Variants in GDAP2 observed in about 807,000 individuals in gnomAD.
GDAP2 encodes ganglioside induced differentiation associated protein 2.
GDAP2 carries 51 observed loss-of-function variants against 67.0 expected under a neutral mutation model. The observed-to-expected ratio is 0.76, with a 90% CI of 0.61 to 0.96. The LOEUF is 0.96. GDAP2 is among the 40% of genes least tolerant of loss of function. GDAP2 has a pLI of 0.00. For missense variants in GDAP2, 547 were observed against 588.3 expected (o/e 0.93, Z 0.73); for synonymous variants, 203 against 207.3 (o/e 0.98, Z 0.18).
chr1:117,920,275 T>C lies in GDAP2; in HGVS notation c.83A>G (p.Asn28Ser). 1 of 1,609,306 alleles carries C rather than the reference T, an allele frequency of 6.2e-7. No individual in the cohort carries two copies. Among genetic ancestry groups the C allele is most frequent in the African/African-American group, 1.3e-5 (1 of 74,946 alleles). Reference sequence around the variant, plus strand: ...TATTTCAGCTGTAGTATCAGAGGAATTTAATTCATCTTGGCATGAGTCACC... The same window carrying C: ...TATTTCAGCTGTAGTATCAGAGGAACTTAATTCATCTTGGCATGAGTCACC... ...SWGDSCQDEL[N>S]SSDTTAEIFQ... Residue 28 changes from asparagine to serine, a missense_variant, in exon 2 of 14, where the codon AAT becomes AGT. Physicochemically the swap from Asn to Ser is conservative, Grantham distance 46. Coordinates refer to ENST00000369443, the MANE Select transcript of GDAP2 (RefSeq NM_017686.4).
chr1:117,868,248 T>C lies in GDAP2; in HGVS notation c.*2321A>G, dbSNP rs769985069. On this transcript the variant is annotated 3_prime_UTR_variant, in exon 14 of 14. Coordinates refer to ENST00000369443, the MANE Select transcript of GDAP2 (RefSeq NM_017686.4). ...GAAGCAACTTCATTCTATAACACTT[T>C]AGACATCTATAAAAGCATGAACTTG... 1.3e-5 allele frequency: 2 copies of C among 152,224 alleles called. No individual in the cohort carries two copies. The highest frequency in any genetic ancestry group is 2.9e-5 in the Non-Finnish European group (2 of 68,044). 9.4% of individuals were successfully genotyped at this position (152,224 alleles called of 1,614,324 possible). A position where few individuals can be genotyped will look rare whatever the true frequency, so the allele number is the denominator to read the frequency against.
At position 117,865,470 on chromosome 1, in the gene GDAP2, C is replaced by T. The variant is rs930795756; in HGVS notation, c.*5099G>A. The T allele has an allele frequency of 2.6e-5, 4 of 152,116 alleles. No homozygotes were observed. The highest frequency in any genetic ancestry group is 9.7e-5 in the African/African-American group (4 of 41,440). 9.4% of individuals were successfully genotyped at this position (152,116 alleles called of 1,614,324 possible). On this transcript the variant is annotated 3_prime_UTR_variant, in exon 14 of 14. Transcript: ENST00000369443. Reference sequence around the variant, plus strand: ...AATTTAAGCATTTTTAGGTTTCCTTCGCCCAATACCAATTAAAATCATTTA... The same window carrying T: ...AATTTAAGCATTTTTAGGTTTCCTTTGCCCAATACCAATTAAAATCATTTA...
At position 117,912,610 on chromosome 1, in the gene GDAP2, T is replaced by A. The variant is rs1238041425; in HGVS notation, c.390A>T (p.Gly130=). 3 of 1,613,386 alleles carry A rather than the reference T, an allele frequency of 1.9e-6. No individual in the cohort carries two copies. The highest frequency in any genetic ancestry group is 2.5e-6 in the Non-Finnish European group (3 of 1,179,454). ...TGCGATAGCGGCTTTTATATTTAGG[T>A]CCCACTGTGTGAATGATGAACCGGG... The part of the protein sequence containing the change: ...LAARFIIHTV[G]PKYKSRYRTA... The change falls in exon 4 of 14, where the codon GGA becomes GGT. Residue 130 remains glycine, a synonymous_variant. Coordinates refer to ENST00000369443, the MANE Select transcript of GDAP2 (RefSeq NM_017686.4).
chr1:117,916,935 G>A (rs1650064979), intron 3 of GDAP2, among the ~76,000 whole-genome samples: 1 of 151,938 alleles, frequency 6.6e-6, no homozygotes, highest in Non-Finnish European at 1.5e-5. Context: ...TCGGGAAGCT[G>A]AGGCAGAAGA....
chr1:117,889,627 G>A (rs1648996723), intron 8 of GDAP2, among the ~76,000 whole-genome samples: 1 of 151,770 alleles, frequency 6.6e-6, no homozygotes, highest in Non-Finnish European at 1.5e-5. Context: ...TTAGTATGAA[G>A]GTTAAAAGAC....
In GDAP2 at chr1:117,883,591, C is replaced by A. The variant is rs1371336943; in HGVS notation, c.1144G>T (p.Ala382Ser). The A allele has an allele frequency of 6.3e-7, 1 of 1,595,098 alleles. No homozygotes were observed. Among genetic ancestry groups the A allele is most frequent in the Admixed American group, 1.7e-5 (1 of 59,850 alleles). Residue 382 changes from alanine (A) to serine (S), a missense_variant, in exon 11 of 14, where the codon GCT becomes TCT. Physicochemically the swap from Ala to Ser is moderately conservative, Grantham distance 99. Transcript: ENST00000369443. Reference sequence around the variant, plus strand: ...TACACTAATACATACTCCTTCACAGCAATGTGATCCATTACATGAATGAAA... The same window carrying A: ...TACACTAATACATACTCCTTCACAGAAATGTGATCCATTACATGAATGAAA... Reference protein sequence around the residue: ...LYFIHVMDHIAVKEYVLVYFH... With the variant: ...LYFIHVMDHISVKEYVLVYFH...
intron 1 of GDAP2, among the ~76,000 whole-genome samples, chr1:117,926,677 A>C (rs2101176620): frequency 6.6e-6 from 1 of 152,326 alleles, no homozygotes; most frequent in African/African-American, 2.4e-5. Flanking sequence ...CTGATCCCTG[A>C]GAGAACAGTG....
chr1:117,889,154 CAT>C (rs1648970683), intron 8 of GDAP2, among the ~76,000 whole-genome samples: 1 of 152,058 alleles, frequency 6.6e-6, no homozygotes, highest in Non-Finnish European at 1.5e-5. Context: ...TCCATATTTT[CAT>C]ACAGTCATTT....
intron 1 of GDAP2, among the ~76,000 whole-genome samples, chr1:117,926,185 C>A (rs1026710815): frequency 6.6e-6 from 1 of 152,210 alleles, no homozygotes; most frequent in Non-Finnish European, 1.5e-5. Flanking sequence ...CAACCTACTG[C>A]AGTTTTGCTT....
intron 3 of GDAP2, among the ~76,000 whole-genome samples, chr1:117,916,799 C>G (rs377201021): frequency 6.6e-6 from 1 of 152,010 alleles, no homozygotes; most frequent in Non-Finnish European, 1.5e-5. Context: ...ATTGGGAGGC[C>G]GAGGCAGGCA....
chr1:117,874,104 G>T (rs564759207), intron 13 of GDAP2, among the ~76,000 whole-genome samples: 1 of 152,158 alleles, frequency 6.6e-6, no homozygotes, highest in African/African-American at 2.4e-5. Context: ...TGTATCCAGC[G>T]ATGTGCTCTC....
rs1648168067 is a variant in GDAP2 at position 117,869,020 on chromosome 1, A to T, written c.*1549T>A. ...GCATTTCCCTATCATAAATGAAGAG[A>T]ATATGTTTCTTTGATCTCCAATGAA... On this transcript the variant is annotated 3_prime_UTR_variant, in exon 14 of 14. Coordinates refer to ENST00000369443, the MANE Select transcript of GDAP2 (RefSeq NM_017686.4). The T allele has an allele frequency of 2.6e-5, 4 of 152,172 alleles. No individual in the cohort carries two copies. The highest frequency in any genetic ancestry group is 9.7e-5 in the African/African-American group (4 of 41,444). 9.4% of individuals were successfully genotyped at this position (152,172 alleles called of 1,614,324 possible). A position where few individuals can be genotyped will look rare whatever the true frequency, so the allele number is the denominator to read the frequency against.
chr1:117,887,000 G>A (rs1308803671), intron 9 of GDAP2, among the ~76,000 whole-genome samples: 1 of 151,944 alleles, frequency 6.6e-6, no homozygotes, highest in African/African-American at 2.4e-5. Context: ...ATAGCTTACT[G>A]CAGCCTCCGT....
At chr1:117,908,960 A>G (rs1407902324) in intron 5 of GDAP2, among the ~76,000 whole-genome samples, 4 of 152,204 alleles carry the variant, frequency 2.6e-5, no homozygotes, top group Non-Finnish European at 5.9e-5. Flanking sequence ...ATAAAATACA[A>G]TACCAAATAG....
chr1:117,912,212 C>T lies in GDAP2; in HGVS notation c.471-130G>A, dbSNP rs112134593. The T allele has an allele frequency of 4.0e-4, 263 of 663,342 alleles. 1 individual carries two copies. The African/African-American group carries it at 4.3e-3, about 11-fold the overall frequency. 41.1% of individuals were successfully genotyped at this position (663,342 alleles called of 1,614,324 possible). A position where few individuals can be genotyped will look rare whatever the true frequency, so the allele number is the denominator to read the frequency against. On this transcript the variant is annotated intron_variant, in intron 4 of 13. Transcript: ENST00000369443. The stretch of plus-strand genomic sequence containing the variant: ...CTCTTCAACAAATCTACTATAATAG[C>T]TAACCCAACTGTACCACTCAATAAT...
chr1:117,901,243 A>AT lies in GDAP2; in HGVS notation c.637-2028dup, dbSNP rs368366519. On this transcript the variant is annotated intron_variant, in intron 6 of 13. Coordinates refer to ENST00000369443, the MANE Select transcript of GDAP2 (RefSeq NM_017686.4). ...ATGCACGCACACATACACACACCAC[A>AT]TTTTTTTTTAATCAATTTATCTGCT... is the stretch of plus-strand genomic sequence containing the variant. Among the ~76,000 whole-genome samples the AT allele has an allele frequency of 2.5e-4, 38 of 150,288 alleles. 1 individual carries two copies. The highest frequency in any genetic ancestry group is 1.7e-3 in the Admixed American group (26 of 15,042).
intron 1 of GDAP2, among the ~76,000 whole-genome samples, chr1:117,925,427 C>G (rs755496408): frequency 6.6e-6 from 1 of 151,734 alleles, no homozygotes; most frequent in Non-Finnish European, 1.5e-5. Context: ...CACTCCAGCA[C>G]GGTGACAGAG....
intron 3 of GDAP2, 30 bp from the exon 4 acceptor site, chr1:117,912,713 G>C (rs757747353): frequency 1.3e-6 from 2 of 1,576,156 alleles, no homozygotes; most frequent in African/African-American, 1.4e-5. Flanking sequence ...ACATAAGTTT[G>C]GATGTGTTAG....
intron 8 of GDAP2, among the ~76,000 whole-genome samples, chr1:117,892,314 T>G (rs1394535314): frequency 1.3e-5 from 2 of 152,156 alleles, no homozygotes; most frequent in Non-Finnish European, 2.9e-5. Context: ...TTTTCTAAAC[T>G]TCATTATTCA....
Sources: gnomAD v4.1 joint callset for allele counts (sites outside exome capture counted in the v4.1 genomes callset) on GRCh38, gnomAD v4.1.1 for gene constraint, MANE v1.5 for transcripts, NCBI Gene and HGNC (gene_info 2026-07-23, HGNC 2026-07-21) for gene names.